The following NEGR1 variants were observed in gnomAD, a reference collection of about 807,000 sequenced individuals.
NEGR1 encodes the protein neuronal growth regulator 1, also known as IgLON family member 4.
NEGR1 carries 10 observed loss-of-function variants against 40.9 expected under a neutral mutation model. The observed-to-expected ratio is 0.24, with a 90% CI of 0.15 to 0.42. The LOEUF (loss-of-function observed/expected upper bound fraction) is 0.42. NEGR1 is among the 10% of genes least tolerant of loss of function. The pLI is 1.00. For synonymous variants in NEGR1, 185 were observed against 166.8 expected, an observed-to-expected ratio of 1.11 and a Z score of -0.84; for missense variants, 352 against 438.9, an observed-to-expected ratio of 0.80 and a Z score of 1.77.
rs56301492 is a variant in NEGR1, at chr1:72,127,463, C to CAAAAAAAAA, written c.176+154847_176+154855dup. On this transcript the variant is annotated intron_variant, in intron 1 of 6. Coordinates refer to ENST00000357731, the MANE Select transcript of NEGR1 (RefSeq NM_173808.3). ...TGGGCGACAGAGCAAGGCTCTGTCTCAAAAAAAAAAAAAAAAAAAAAAAAA... is the reference window on the plus strand; with the variant it reads ...TGGGCGACAGAGCAAGGCTCTGTCTCAAAAAAAAAAAAAAAAAAAAAAAAAAAAAAAAAA... Among the ~76,000 whole-genome samples, 37 of 39,302 alleles carry CAAAAAAAAA rather than the reference C, an allele frequency of 9.4e-4. 3 individuals are homozygous for CAAAAAAAAA. Among genetic ancestry groups the CAAAAAAAAA allele is most frequent in the African/African-American group, 2.7e-3 (32 of 11,652 alleles). 25.8% of individuals were successfully genotyped at this position (39,302 alleles called of 152,430 possible). A position where few individuals can be genotyped will look rare whatever the true frequency, so the allele number is the denominator to read the frequency against.
At chr1:72,179,318 T>C (rs1652281527) in intron 1 of NEGR1, among the ~76,000 whole-genome samples, 1 of 152,090 alleles carries the variant, frequency 6.6e-6, no homozygotes, top group African/African-American at 2.4e-5. Flanking sequence ...GTTGTAGGTG[T>C]GCAGCTTTAT....
intron 1 of NEGR1, among the ~76,000 whole-genome samples, chr1:72,108,688 T>C (rs77402021): frequency 0.012 from 1,798 of 151,680 alleles, 39 homozygotes; most frequent in African/African-American, 0.041. Flanking sequence ...CGGGAGATTA[T>C]AATAGACCTT....
chr1:72,208,529 C>T (rs1178412058), intron 1 of NEGR1, among the ~76,000 whole-genome samples: 1 of 151,358 alleles, frequency 6.6e-6, no homozygotes, highest in Non-Finnish European at 1.5e-5. Context: ...AATATCTATA[C>T]TGGCATCTCT....
intron 2 of NEGR1, among the ~76,000 whole-genome samples, chr1:71,862,708 G>T (rs1182847487): frequency 6.6e-6 from 1 of 151,786 alleles, no homozygotes; most frequent in East Asian, 1.9e-4. Context: ...ATACATTTGA[G>T]GGCTAATATC....
Position 72,049,258 on chromosome 1 carries a change from T to C in NEGR1, c.177-113947A>G, listed in dbSNP as rs573972071. Reference sequence around the variant, plus strand: ...CAGGAGGCTGAGGCAGGAGTATTCATTGAGCCTAGGAGTCCAAGCTTTCAG... The same window carrying C: ...CAGGAGGCTGAGGCAGGAGTATTCACTGAGCCTAGGAGTCCAAGCTTTCAG... On this transcript the variant is annotated intron_variant, in intron 1 of 6. Coordinates refer to ENST00000357731, the MANE Select transcript of NEGR1 (RefSeq NM_173808.3). 3.2e-4 allele frequency among the ~76,000 whole-genome samples: 48 copies of C among 151,794 alleles called. No homozygotes were observed. The South Asian group carries it at 9.7e-3, about 31-fold the overall frequency.
chr1:71,438,404 A>G (rs1646524054), intron 6 of NEGR1, among the ~76,000 whole-genome samples: 1 of 151,954 alleles, frequency 6.6e-6, no homozygotes, highest in South Asian at 2.1e-4. Context: ...CAGAATCTTC[A>G]TTTTTTTTGT....
At chr1:71,990,793 C>G (rs184091962) in intron 1 of NEGR1, among the ~76,000 whole-genome samples, 347 of 152,064 alleles carry the variant, frequency 2.3e-3, no homozygotes, top group African/African-American at 8.0e-3. Context: ...GTCCTTGGCT[C>G]TCTGTTCTTT....
intron 1 of NEGR1, among the ~76,000 whole-genome samples, chr1:72,172,199 C>A (rs868406115): frequency 6.6e-6 from 1 of 152,142 alleles, no homozygotes; most frequent in Admixed American, 6.6e-5. Context: ...AATAAAAGAG[C>A]CCGAAATAGA....
intron 1 of NEGR1, among the ~76,000 whole-genome samples, chr1:71,952,957 G>GAA (rs3061534): frequency 0.13 from 16,281 of 123,614 alleles, 1,332 homozygotes; most frequent in East Asian, 0.44. Flanking sequence ...TACTGCTCAG[G>GAA]AAAAAAAAAA....
intron 1 of NEGR1, among the ~76,000 whole-genome samples, chr1:72,236,330 T>C (rs1654543913): frequency 6.6e-6 from 1 of 151,848 alleles, no homozygotes; most frequent in African/African-American, 2.4e-5. Context: ...ATACCTAATG[T>C]AGATAACAAG....
At chr1:72,211,075 T>G (rs1653588522) in intron 1 of NEGR1, among the ~76,000 whole-genome samples, 1 of 151,828 alleles carries the variant, frequency 6.6e-6, no homozygotes, top group African/African-American at 2.4e-5. Context: ...TTAAAAAGAA[T>G]ATTCACAATT....
At chr1:71,522,433 T>C (rs1647165253) in intron 6 of NEGR1, among the ~76,000 whole-genome samples, 1 of 151,860 alleles carries the variant, frequency 6.6e-6, no homozygotes, top group African/African-American at 2.4e-5. Context: ...ATAATCTCAT[T>C]TTAAAATCAG....
chr1:71,445,234 C>T (rs995760288), intron 6 of NEGR1, among the ~76,000 whole-genome samples: 4 of 151,732 alleles, frequency 2.6e-5, no homozygotes, highest in Non-Finnish European at 5.9e-5. Flanking sequence ...TAAATCTTGT[C>T]TTCTCAGAAA....
chr1:71,879,297 C>G (rs1279007594), intron 2 of NEGR1, among the ~76,000 whole-genome samples: 2 of 152,136 alleles, frequency 1.3e-5, no homozygotes, highest in Non-Finnish European at 2.9e-5. Flanking sequence ...ATAAAAGATG[C>G]TACTCCCCAC....
chr1:72,272,106 A>C (rs1481609051), intron 1 of NEGR1, among the ~76,000 whole-genome samples: 2 of 151,910 alleles, frequency 1.3e-5, no homozygotes, highest in Non-Finnish European at 2.9e-5. Flanking sequence ...TAAGAAACTA[A>C]ATATATTTTC....
intron 1 of NEGR1, among the ~76,000 whole-genome samples, chr1:72,193,174 A>G (rs1162372070): frequency 6.6e-6 from 1 of 151,800 alleles, no homozygotes; most frequent in Non-Finnish European, 1.5e-5. Context: ...CAGATGATTG[A>G]ATGTGTACAG....
In NEGR1 at chr1:71,498,668, A is replaced by T. The variant is rs1646980734; in HGVS notation, c.941-91098T>A. ...GCTGTGACTACCTGCTGTCTGCCAG[A>T]TCCCCTTGCTTCCATTTTTTTCTGC... On this transcript the variant is annotated intron_variant, in intron 6 of 6. Transcript: ENST00000357731. Among the ~76,000 whole-genome samples the T allele has an allele frequency of 2.6e-5, 4 of 152,168 alleles. No homozygotes were observed. In the South Asian group the frequency reaches 8.3e-4, roughly 32 times the overall value.
intron 1 of NEGR1, among the ~76,000 whole-genome samples, chr1:72,127,288 C>A (rs1031041654): frequency 3.3e-5 from 5 of 151,582 alleles, no homozygotes; most frequent in African/African-American, 9.7e-5. Flanking sequence ...CACGGTGAAA[C>A]CCTGTCTCTA....
intron 3 of NEGR1, among the ~76,000 whole-genome samples, chr1:71,760,325 T>C (rs1655899132): frequency 6.6e-6 from 1 of 152,142 alleles, no homozygotes; most frequent in South Asian, 2.1e-4. Flanking sequence ...TTTTCTTTCT[T>C]TATTCAAATC....
Sources: gnomAD v4.1 joint callset for allele counts (sites outside exome capture counted in the v4.1 genomes callset) on GRCh38, gnomAD v4.1.1 for gene constraint, MANE v1.5 for transcripts, NCBI Gene and HGNC (gene_info 2026-07-23, HGNC 2026-07-21) for gene names.